Variants in FAM9C observed in about 807,000 individuals in gnomAD.
The protein encoded by FAM9C is protein FAM9C.
A neutral mutation model predicts 14.8 loss-of-function variants in FAM9C; 15 were observed. The observed-to-expected ratio is 1.02, with a 90% confidence interval of 0.68 to 1.56. The LOEUF (loss-of-function observed/expected upper bound fraction) is 1.56, where lower values mean the gene tolerates loss of function less well. FAM9C is among the 40% of genes most tolerant of loss of function. The pLI is 0.00. For missense variants in FAM9C, 116 were observed against 118.0 expected (o/e 0.98, Z 0.08); for synonymous variants, 45 against 37.5 (o/e 1.20, Z -0.74).
At chrX:13,041,145 G>A in intron 4 of FAM9C, 2 of 166,753 alleles carry the variant, frequency 1.2e-5, no homozygotes, top group Non-Finnish European at 1.1e-5. Context: ...TTTTAAGTGT[G>A]CAGAAAGGGT....
chrX:13,040,922 C>T, intron 4 of FAM9C, 50 bp from the exon 5 acceptor site: 1 of 743,884 alleles, frequency 1.3e-6, no homozygotes, highest in Non-Finnish European at 1.9e-6. Flanking sequence ...AAAGTAGTTT[C>T]TTTGCATATA....
rs144386256 is a variant in FAM9C at position 13,043,728 on chromosome X, C to T, written c.61+1G>A. 2.5e-6 allele frequency: 3 copies of T among 1,210,771 alleles called. No individual in the cohort carries two copies. Among genetic ancestry groups the T allele is most frequent in the African/African-American group, 1.7e-5 (1 of 57,459 alleles). ...TCTAGGTCCCCTTGGGCTGTGTTTA[C>T]CTGCAAGCTCCATTTCCTGGGCGGC... On this transcript the variant is annotated splice_donor_variant, in intron 2 of 7. Transcript: ENST00000380625. LOFTEE classifies it high-confidence loss of function.
intron 5 of FAM9C, 131 bp from the exon 6 acceptor site, chrX:13,040,047 T>C: frequency 1.8e-6 from 1 of 555,536 alleles, no homozygotes; most frequent in South Asian, 4.8e-5. Flanking sequence ...TGAAATCTTC[T>C]TTTTGGGAAA....
At chrX:13,044,016 C>T (rs1425134597) in intron 1 of FAM9C, among the ~76,000 whole-genome samples, 159 bp from the exon 2 acceptor site, 1 of 112,893 alleles carries the variant, frequency 8.9e-6, no homozygotes, top group Non-Finnish European at 1.9e-5. Flanking sequence ...GCCCGTCCAG[C>T]GCTTCCCCGG....
intron 2 of FAM9C, 67 bp from the exon 3 acceptor site, chrX:13,043,315 G>A: frequency 8.8e-7 from 1 of 1,131,758 alleles, no homozygotes; most frequent in South Asian, 2.2e-5. Flanking sequence ...TTTTCATAGA[G>A]AAACGTACTA....
Position 13,043,698 on chromosome X carries a change from C to T in FAM9C, c.61+31G>A, listed in dbSNP as rs1208873248. ...AGCAGACAGACTGTTGGGCGTGCACCTTCTTCTAGGTCCCCTTGGGCTGTG... is the reference window on the plus strand; with the variant it reads ...AGCAGACAGACTGTTGGGCGTGCACTTTCTTCTAGGTCCCCTTGGGCTGTG... On this transcript the variant is annotated intron_variant, in intron 2 of 7. Coordinates refer to ENST00000380625, the MANE Select transcript of FAM9C (RefSeq NM_174901.6). The T allele has an allele frequency of 2.5e-6, 3 of 1,208,933 alleles. No homozygotes were observed. The Admixed American group carries it at 6.5e-5, about 26-fold the overall frequency.
intron 7 of FAM9C, 47 bp downstream of exon 7, chrX:13,038,369 T>G: frequency 2.1e-6 from 2 of 957,126 alleles, no homozygotes; most frequent in Non-Finnish European, 2.8e-6. Flanking sequence ...TTTTTATGCA[T>G]GTGTTGTATT....
chrX:13,040,236 A>G, intron 5 of FAM9C: 1 of 657,017 alleles, frequency 1.5e-6, no homozygotes, highest in Non-Finnish European at 1.8e-6. Flanking sequence ...TAAATAACAT[A>G]TGCGTTCTCA....
In FAM9C at chrX:13,043,771, A is replaced by G. The variant is rs1209879958; in HGVS notation, c.19T>C (p.Leu7=). Residue 7 remains leucine, a synonymous_variant, in exon 2 of 8, where the codon TTG becomes CTG. Coordinates refer to ENST00000380625, the MANE Select transcript of FAM9C (RefSeq NM_174901.6). MAAKDQ[L]EVQVMAAQEM... The stretch of plus-strand genomic sequence containing the variant: ...TGGGCGGCCATAACTTGAACCTCCA[A>G]CTGGTCCTTGGCAGCCATCCTGCTG... 1 of 1,212,080 alleles carries G rather than the reference A, an allele frequency of 8.3e-7. No individual in the cohort carries two copies. Among genetic ancestry groups the G allele is most frequent in the Non-Finnish European group, 1.1e-6 (1 of 895,479 alleles).
intron 1 of FAM9C, 124 bp from the exon 2 acceptor site, chrX:13,043,981 G>A: frequency 4.5e-6 from 2 of 444,215 alleles, no homozygotes; most frequent in Non-Finnish European, 7.9e-6. Flanking sequence ...ACGCGGAGAA[G>A]ATGCCATCAT....
At chrX:13,039,113 T>C (rs1302221640) in intron 6 of FAM9C, among the ~76,000 whole-genome samples, 1 of 111,780 alleles carries the variant, frequency 8.9e-6, no homozygotes, top group Non-Finnish European at 1.9e-5. Flanking sequence ...AGGAACCCTT[T>C]AATCCTCCAA....
chrX:13,040,334 G>C, intron 5 of FAM9C: 2 of 761,522 alleles, frequency 2.6e-6, no homozygotes, highest in Non-Finnish European at 3.1e-6. Context: ...ACTTTGGCAC[G>C]ACAATGATCT....
At chrX:13,039,658 C>A (rs192564350) in intron 6 of FAM9C, 150 bp downstream of exon 6, 2 of 924,679 alleles carry the variant, frequency 2.2e-6, no homozygotes, top group Non-Finnish European at 2.9e-6. Flanking sequence ...TGCTGCATGG[C>A]AATTATATTC....
In FAM9C at chrX:13,039,766, T is replaced by C. The variant is rs2043509890; in HGVS notation, c.438+42A>G. 6.8e-6 allele frequency: 8 copies of C among 1,172,350 alleles called. No individual in the cohort carries two copies. The South Asian group carries it at 1.2e-4, about 18-fold the overall frequency. On this transcript the variant is annotated intron_variant, in intron 6 of 7. Coordinates refer to ENST00000380625, the MANE Select transcript of FAM9C (RefSeq NM_174901.6). ...GCATGAACTATTACTACCTGAGACA[T>C]TGATACAATAGGTTAATCATAAAGC... is the stretch of plus-strand genomic sequence containing the variant.
chrX:13,038,429 T>C lies in FAM9C; in HGVS notation c.*12A>G. 1 of 1,199,801 alleles carries C rather than the reference T, an allele frequency of 8.3e-7. No homozygotes were observed. Among genetic ancestry groups the C allele is most frequent in the Non-Finnish European group, 1.1e-6 (1 of 890,433 alleles). The stretch of plus-strand genomic sequence containing the variant: ...AATAGAACAGACCTTTGTGAATTGC[T>C]CGTGTGGTGGCTCAATCTCTTTCAG... On this transcript the variant is annotated 3_prime_UTR_variant, in exon 7 of 8. Transcript: ENST00000380625.
chrX:13,039,464 C>T (rs1388733867), intron 6 of FAM9C, among the ~76,000 whole-genome samples: 1 of 111,560 alleles, frequency 9.0e-6, no homozygotes, highest in Non-Finnish European at 1.9e-5. Flanking sequence ...GCTGAAATTC[C>T]ACAGCCAGTC....
intron 1 of FAM9C, 121 bp downstream of exon 1, chrX:13,044,419 C>G (rs1424441835): frequency 9.2e-6 from 1 of 108,131 alleles, no homozygotes; most frequent in African/African-American, 3.4e-5. Context: ...TGACCCAGGC[C>G]CCAGGCGACA....
chrX:13,039,183 C>G, intron 6 of FAM9C, among the ~76,000 whole-genome samples: 1 of 111,717 alleles, frequency 9.0e-6, no homozygotes, highest in East Asian at 2.8e-4. Flanking sequence ...AACTTTAGCA[C>G]AGAGATAAAT....
At position 13,043,203 on chromosome X, in the gene FAM9C, G is replaced by A. The variant is rs1443280236; in HGVS notation, c.107C>T (p.Thr36Ile). 4 of 1,207,781 alleles carry A rather than the reference G, an allele frequency of 3.3e-6. No individual in the cohort carries two copies. The African/African-American group carries it at 7.0e-5, about 21-fold the overall frequency. Reference protein sequence around the residue: ...SHEHEERKPVTETKEGDVTDE... With the variant: ...SHEHEERKPVIETKEGDVTDE... ...AGTTACATCTCCCTCCTTTGTCTCT[G>A]TAACAGGTTTTCTTTCCTCATGCTC... Residue 36 changes from threonine to isoleucine, a missense_variant, in exon 3 of 8, where the codon ACA becomes ATA. Transcript: ENST00000380625.
Sources: gnomAD v4.1 joint callset for allele counts (sites outside exome capture counted in the v4.1 genomes callset) on GRCh38, gnomAD v4.1.1 for gene constraint, MANE v1.5 for transcripts, NCBI Gene and HGNC (gene_info 2026-07-23, HGNC 2026-07-21) for gene names.